The following ECRG4 variants were observed in gnomAD, a reference collection of about 807,000 sequenced individuals.
ECRG4 encodes augurin.
A neutral mutation model predicts 15.8 loss-of-function variants in ECRG4; 18 were observed. The observed-to-expected ratio is 1.14, with a 90% CI of 0.79 to 1.69. The LOEUF is 1.69. Ranked by LOEUF, ECRG4 falls within the 40% of genes most tolerant of loss-of-function variation. The pLI, the probability that ECRG4 is intolerant of heterozygous loss-of-function variation, is 0.00. For synonymous variants in ECRG4, 82 were observed against 73.9 expected (o/e 1.11, Z -0.56); for missense variants, 200 against 190.9 (o/e 1.05, Z -0.28).
chr2:106,071,459 T>C (rs1179676677), intron 1 of ECRG4, among the ~76,000 whole-genome samples: 3 of 152,128 alleles, frequency 2.0e-5, no homozygotes. Flanking sequence ...ATTCAGGGGT[T>C]TCTGGTGGAT....
chr2:106,069,129 C>CTCTT (rs754803827), intron 1 of ECRG4, among the ~76,000 whole-genome samples: 15,042 of 143,698 alleles, frequency 0.1, 1,023 homozygotes, highest in Non-Finnish European at 0.12. Context: ...TTCTTCCTTT[C>CTCTT]TCTTTCTTTC....
At chr2:106,076,082 G>A (rs1318438093) in intron 3 of ECRG4, among the ~76,000 whole-genome samples, 3 of 152,132 alleles carry the variant, frequency 2.0e-5, no homozygotes, top group South Asian at 2.1e-4. Flanking sequence ...TTGGGAGGCC[G>A]AGATGGGTGG....
chr2:106,070,805 T>A, intron 1 of ECRG4: 1 of 414,600 alleles, frequency 2.4e-6, no homozygotes, highest in South Asian at 1.8e-5. Context: ...CTGGAGCCTG[T>A]CCATGGAAGG....
At chr2:106,070,792 C>A (rs1189792428) in intron 1 of ECRG4, 1 of 362,732 alleles carries the variant, frequency 2.8e-6, no homozygotes, top group East Asian at 7.7e-5. Flanking sequence ...CTTTCTAGAC[C>A]CCCTGGAGCC....
chr2:106,065,891 C>G, intron 1 of ECRG4, 48 bp downstream of exon 1: 2 of 1,425,096 alleles, frequency 1.4e-6, no homozygotes, highest in Non-Finnish European at 1.8e-6. Flanking sequence ...CAGGGGTTGG[C>G]CCCATGTGGC....
chr2:106,071,902 C>T lies in ECRG4; in HGVS notation c.127+11C>T. The T allele has an allele frequency of 6.2e-7, 1 of 1,607,512 alleles. No homozygotes were observed. The highest frequency in any genetic ancestry group is 1.1e-5 in the South Asian group (1 of 90,832). On this transcript the variant is annotated intron_variant, in intron 2 of 3. Transcript: ENST00000238044. ...TTCAAAAACGAGAAGGTAAATATACCCCAAATGGATAAGGGATGCATTCTT... is the reference window on the plus strand; with the variant it reads ...TTCAAAAACGAGAAGGTAAATATACTCCAAATGGATAAGGGATGCATTCTT...
At chr2:106,064,740 A>G (rs140668070), upstream of ECRG4, among the ~76,000 whole-genome samples, 375 of 152,342 alleles carry the variant, frequency 2.5e-3, 2 homozygotes, top group African/African-American at 8.6e-3. Flanking sequence ...AGTTCAGGGC[A>G]GATCTGAGAT....
chr2:106,068,536 T>C (rs930566809), intron 1 of ECRG4, among the ~76,000 whole-genome samples: 1 of 152,226 alleles, frequency 6.6e-6, no homozygotes, highest in Non-Finnish European at 1.5e-5. Flanking sequence ...GGCGAGGCTC[T>C]CATTTCTGGA....
intron 3 of ECRG4, among the ~76,000 whole-genome samples, chr2:106,076,715 T>C (rs779524600): frequency 4.6e-5 from 7 of 152,192 alleles, no homozygotes; most frequent in Admixed American, 6.5e-5. Flanking sequence ...GAAAGTTCCA[T>C]GCAGGAGGCA....
chr2:106,070,991 A>G (rs1481879329), intron 1 of ECRG4: 4 of 471,352 alleles, frequency 8.5e-6, no homozygotes, highest in South Asian at 4.6e-5. Context: ...CGTGTGTTCT[A>G]TCAGGCCAGA....
At position 106,073,916 on chromosome 2, in the gene ECRG4, T is replaced by C; in HGVS notation, c.158T>C (p.Val53Ala). The C allele has an allele frequency of 1.2e-6, 2 of 1,614,194 alleles. No homozygotes were observed. The highest frequency in any genetic ancestry group is 2.2e-5 in the South Asian group (2 of 91,088). ...GTTCCAACTAAGACTAAAGTGGCCG[T>C]TGATGAGAATAAAGCCAAAGAATTC... ...APVPTKTKVA[V>A]DENKAKEFLG... The change falls in exon 3 of 4, where the codon GTT becomes GCT. Residue 53 changes from valine (V) to alanine (A), a missense_variant. By Grantham distance (64) the Val-to-Ala change is moderately conservative. Coordinates refer to ENST00000238044, the MANE Select transcript of ECRG4 (RefSeq NM_032411.3).
At chr2:106,076,933 A>G (rs1676500471) in intron 3 of ECRG4, among the ~76,000 whole-genome samples, 1 of 152,284 alleles carries the variant, frequency 6.6e-6, no homozygotes, top group South Asian at 2.1e-4. Context: ...TTAATCTTGC[A>G]CCTTCACCAC....
At chr2:106,071,392 A>C in intron 1 of ECRG4, among the ~76,000 whole-genome samples, 1 of 151,622 alleles carries the variant, frequency 6.6e-6, no homozygotes, top group African/African-American at 2.4e-5. Context: ...AAAAATAAAA[A>C]TCTTGAGATC....
At position 106,073,913 on chromosome 2, in the gene ECRG4, C is replaced by T. The variant is rs756145078; in HGVS notation, c.155C>T (p.Ala52Val). 1.2e-6 allele frequency: 2 copies of T among 1,614,102 alleles called. No individual in the cohort carries two copies. Among genetic ancestry groups the T allele is most frequent in the Non-Finnish European group, 1.7e-6 (2 of 1,179,976 alleles). The change falls in exon 3 of 4, where the codon GCC becomes GTC. Residue 52 changes from alanine (A) to valine (V), a missense_variant. Transcript: ENST00000238044. ...CCTGTTCCAACTAAGACTAAAGTGGCCGTTGATGAGAATAAAGCCAAAGAA... is the reference window on the plus strand; with the variant it reads ...CCTGTTCCAACTAAGACTAAAGTGGTCGTTGATGAGAATAAAGCCAAAGAA... ...EAPVPTKTKV[A>V]VDENKAKEFL... is the part of the protein sequence containing the mutation.
chr2:106,065,766 TG>T lies in ECRG4; in HGVS notation c.4del (p.Ala2?). 6.7e-7 allele frequency: 1 copy of T among 1,481,486 alleles called. No individual in the cohort carries two copies. Among genetic ancestry groups the T allele is most frequent in the Non-Finnish European group, 8.9e-7 (1 of 1,122,834 alleles). The allele number at this position is 1,481,486 out of a possible 1,614,324, so 91.8% of individuals were successfully genotyped here. On this transcript the variant is annotated frameshift_variant and start_lost, in exon 1 of 4. Coordinates refer to ENST00000238044, the MANE Select transcript of ECRG4 (RefSeq NM_032411.3). LOFTEE classifies it high-confidence loss of function. Reference sequence around the variant, plus strand: ...CCCTCCTGCTCGCGCCCCGCCGCCATGGCTGCCTCCCCCGCGCGGCCTGCTG... The same window carrying T: ...CCCTCCTGCTCGCGCCCCGCCGCCATGCTGCCTCCCCCGCGCGGCCTGCTG... Reference protein sequence around the residue: MAASPARPAVL... With the variant: XAASPARPAVL...
At chr2:106,067,059 C>CGGGGCGGGGGGG (rs1207345148) in intron 1 of ECRG4, among the ~76,000 whole-genome samples, 3 of 4,262 alleles carry the variant, frequency 7.0e-4, no homozygotes, top group African/African-American at 9.5e-4. Context: ...TTTGGGAGGC[C>CGGGGCGGGGGGG]GGGGGGGGGG....
At chr2:106,070,321 C>T (rs528350312) in intron 1 of ECRG4, among the ~76,000 whole-genome samples, 2 of 152,330 alleles carry the variant, frequency 1.3e-5, no homozygotes, top group Admixed American at 1.3e-4. Context: ...GCAGGTTCCC[C>T]GTCCCATCCC....
intron 3 of ECRG4, among the ~76,000 whole-genome samples, chr2:106,074,520 T>C (rs1167544859): frequency 6.6e-6 from 1 of 152,072 alleles, no homozygotes; most frequent in African/African-American, 2.4e-5. Context: ...TTGGGGAAAA[T>C]TTGTCAATGC....
At position 106,067,064 on chromosome 2, in the gene ECRG4, G is replaced by GGAGC. The variant is rs1553411470; in HGVS notation, c.79+1222_79+1223insAGCG. Among the ~76,000 whole-genome samples, 4 of 43,556 alleles carry GGAGC rather than the reference G, an allele frequency of 9.2e-5. 1 individual carries two copies. The highest frequency in any genetic ancestry group is 1.4e-3 in the East Asian group (1 of 710). 28.6% of individuals were successfully genotyped at this position (43,556 alleles called of 152,430 possible). ...ATCCCAGCACTTTGGGAGGCCGGGG[G>GGAGC]GGGGGGGGGGGCAGATCACCTGAGG... On this transcript the variant is annotated intron_variant, in intron 1 of 3. Transcript: ENST00000238044.
Sources: allele counts gnomAD v4.1 joint callset (sites outside exome capture counted in the v4.1 genomes callset), GRCh38; gene constraint gnomAD v4.1.1; transcripts MANE v1.5; gene names NCBI Gene and HGNC (gene_info 2026-07-23, HGNC 2026-07-21).